Variants in KHDRBS2 observed in about 807,000 individuals in gnomAD.
KHDRBS2 encodes the protein KH domain-containing, RNA-binding, signal transduction-associated protein 2.
A neutral mutation model predicts 44.3 loss-of-function variants in KHDRBS2; 26 were observed. The ratio of observed to expected loss-of-function variants is 0.59; its 90% CI spans 0.43 to 0.81. KHDRBS2 has a LOEUF of 0.81. KHDRBS2 is among the 40% of genes least tolerant of loss of function. The pLI, the probability that KHDRBS2 is intolerant of heterozygous loss-of-function variation, is 0.00. For synonymous variants in KHDRBS2, 194 were observed against 151.1 expected (o/e 1.28, Z -2.08); for missense variants, 476 against 433.1 (o/e 1.10, Z -0.88).
the KHDRBS2 span, among the ~76,000 whole-genome samples, chr6:61,589,424 G>C: frequency 6.6e-6 from 1 of 152,172 alleles, no homozygotes; most frequent in African/African-American, 2.4e-5. Context: ...TCTTCCTATA[G>C]TTAAGAGTAA....
chr6:62,029,877 G>C (rs1053513944), intron 3 of KHDRBS2, among the ~76,000 whole-genome samples: 2 of 151,842 alleles, frequency 1.3e-5, no homozygotes, highest in African/African-American at 2.4e-5. Context: ...TTTACATTAA[G>C]TGAATGTGCA....
At chr6:62,142,339 G>T (rs1813005857) in intron 2 of KHDRBS2, among the ~76,000 whole-genome samples, 1 of 152,002 alleles carries the variant, frequency 6.6e-6, no homozygotes, top group Non-Finnish European at 1.5e-5. Flanking sequence ...GTGTCTTGTA[G>T]CCTGAAAATT....
Position 61,680,846 on chromosome 6 carries a change from T to C in KHDRBS2, c.*117A>G, listed in dbSNP as rs1300581995. The C allele has an allele frequency of 4.1e-5, 26 of 630,326 alleles. No individual in the cohort carries two copies. The highest frequency in any genetic ancestry group is 6.5e-5 in the Non-Finnish European group (23 of 351,596). 39.0% of individuals were successfully genotyped at this position (630,326 alleles called of 1,614,324 possible). Reference sequence around the variant, plus strand: ...ATATGGGAGTAATCATGAGCAGTTATCCCTAGAATAGAAACAAACAAACAA... The same window carrying C: ...ATATGGGAGTAATCATGAGCAGTTACCCCTAGAATAGAAACAAACAAACAA... On this transcript the variant is annotated 3_prime_UTR_variant, in exon 9 of 9. Transcript: ENST00000281156.
chr6:62,234,902 C>T (rs1466345185), intron 1 of KHDRBS2, among the ~76,000 whole-genome samples: 2 of 151,776 alleles, frequency 1.3e-5, no homozygotes, highest in African/African-American at 4.8e-5. Flanking sequence ...TGCACCAAAA[C>T]TCAAATAAAA....
At chr6:62,238,554 G>A (rs959001879) in intron 1 of KHDRBS2, among the ~76,000 whole-genome samples, 2 of 151,978 alleles carry the variant, frequency 1.3e-5, no homozygotes, top group African/African-American at 2.4e-5. Flanking sequence ...ATTTACAGAA[G>A]AATTCAAGTT....
At chr6:61,622,337 G>C in the KHDRBS2 span, among the ~76,000 whole-genome samples, 1 of 151,968 alleles carries the variant, frequency 6.6e-6, no homozygotes, top group Non-Finnish European at 1.5e-5. Context: ...TTGGCTATTG[G>C]GTCAATAACC....
At chr6:61,859,486 G>C (rs370386246) in intron 6 of KHDRBS2, among the ~76,000 whole-genome samples, 18 of 151,286 alleles carry the variant, frequency 1.2e-4, no homozygotes, top group East Asian at 9.7e-4. Flanking sequence ...AAAAAAAGTC[G>C]CCCATTTATA....
At chr6:61,763,146 C>A (rs1313845155) in intron 6 of KHDRBS2, among the ~76,000 whole-genome samples, 3 of 152,174 alleles carry the variant, frequency 2.0e-5, no homozygotes, top group Non-Finnish European at 4.4e-5. Flanking sequence ...AGCCCAGGAG[C>A]TGAGCAGAGA....
chr6:61,958,289 T>A (rs1200551710), intron 4 of KHDRBS2, among the ~76,000 whole-genome samples: 1 of 152,146 alleles, frequency 6.6e-6, no homozygotes, highest in Non-Finnish European at 1.5e-5. Context: ...TGTTTCTGCA[T>A]ATCCTGTATC....
intron 3 of KHDRBS2, among the ~76,000 whole-genome samples, chr6:61,985,298 T>C (rs1027385919): frequency 3.3e-5 from 5 of 152,198 alleles, no homozygotes; most frequent in African/African-American, 1.2e-4. Flanking sequence ...TATTTATTTA[T>C]TTTACTTCTC....
rs550002918 is a variant in KHDRBS2, at chr6:62,090,410, T to C, written c.220-42416A>G. Among the ~76,000 whole-genome samples the C allele has an allele frequency of 8.5e-5, 13 of 152,300 alleles. No homozygotes were observed. The South Asian group carries it at 2.5e-3, about 29-fold the overall frequency. On this transcript the variant is annotated intron_variant, in intron 2 of 8. Transcript: ENST00000281156. Reference sequence around the variant, plus strand: ...ATGTATTAATCAATAATTCTGTGCTTGGCATTGTAAGTGCATTACATTGTC... The same window carrying C: ...ATGTATTAATCAATAATTCTGTGCTCGGCATTGTAAGTGCATTACATTGTC...
intron 3 of KHDRBS2, among the ~76,000 whole-genome samples, chr6:61,983,809 T>C (rs1774473534): frequency 6.6e-6 from 1 of 152,196 alleles, no homozygotes. Flanking sequence ...AAATGAGGTG[T>C]ACTGTAAAGA....
At chr6:62,073,235 G>C (rs150365271) in intron 2 of KHDRBS2, among the ~76,000 whole-genome samples, 45 of 151,818 alleles carry the variant, frequency 3.0e-4, no homozygotes, top group African/African-American at 1.1e-3. Context: ...AATTTTATCT[G>C]TACATGTCAT....
At chr6:61,679,220 TC>T (rs1220123260), downstream of KHDRBS2, among the ~76,000 whole-genome samples, 1 of 151,892 alleles carries the variant, frequency 6.6e-6, no homozygotes, top group Non-Finnish European at 1.5e-5. Flanking sequence ...ATCAAGTCTT[TC>T]ACTTTCTTTT....
rs7450738 is a variant in KHDRBS2, at chr6:61,972,486, T to C, written c.483+5580A>G. ...ACATAAATACATGTGGCTTTGTGCT[T>C]ACTGCCATTAGCTACCACACTATTA... On this transcript the variant is annotated intron_variant, in intron 4 of 8. Transcript: ENST00000281156. 2.5e-3 allele frequency among the ~76,000 whole-genome samples: 387 copies of C among 152,304 alleles called. 3 individuals are homozygous for C. Among genetic ancestry groups the C allele is most frequent in the African/African-American group, 8.8e-3 (366 of 41,584 alleles).
chr6:62,269,121 T>C (rs1274992776), intron 1 of KHDRBS2, among the ~76,000 whole-genome samples: 1 of 152,018 alleles, frequency 6.6e-6, no homozygotes, highest in African/African-American at 2.4e-5. Flanking sequence ...CATAAACCTA[T>C]ACTTAAAAGC....
chr6:61,652,719 G>C, the KHDRBS2 span, among the ~76,000 whole-genome samples: 2 of 152,006 alleles, frequency 1.3e-5, no homozygotes, highest in Non-Finnish European at 1.5e-5. Context: ...CCCTGGTCTG[G>C]AATAAAGGAA....
chr6:61,570,837 G>A, the KHDRBS2 span, among the ~76,000 whole-genome samples: 1 of 152,044 alleles, frequency 6.6e-6, no homozygotes, highest in East Asian at 1.9e-4. Flanking sequence ...ATAAACAAAG[G>A]AGAGATAAAG....
chr6:61,675,288 T>A (rs1290013213), downstream of KHDRBS2, among the ~76,000 whole-genome samples: 2 of 151,754 alleles, frequency 1.3e-5, no homozygotes, highest in African/African-American at 2.4e-5. Flanking sequence ...TTAAAAATAA[T>A]TTCCTTTCAA....
Sources: allele counts gnomAD v4.1 joint callset (sites outside exome capture counted in the v4.1 genomes callset), GRCh38; gene constraint gnomAD v4.1.1; transcripts MANE v1.5; gene names NCBI Gene and HGNC (gene_info 2026-07-23, HGNC 2026-07-21).